Variants in RPS6KC1 observed in about 807,000 individuals in gnomAD.
RPS6KC1 encodes inactive ribosomal protein S6 kinase delta-1.
RPS6KC1 carries 54 observed loss-of-function variants against 103.8 expected under a neutral mutation model. The observed-to-expected ratio is 0.52, with a 90% CI of 0.42 to 0.65. RPS6KC1 has a LOEUF of 0.65. Ranked by LOEUF, RPS6KC1 falls within the 30% of genes least tolerant of loss-of-function variation. The pLI is 0.00. For missense variants in RPS6KC1, 1,151 were observed against 1,253.8 expected (o/e 0.92, Z 1.24); for synonymous variants, 439 against 438.7 (o/e 1.00, Z -0.01).
the RPS6KC1 span, among the ~76,000 whole-genome samples, chr1:213,320,691 A>G: frequency 6.6e-6 from 1 of 152,340 alleles, no homozygotes; most frequent in East Asian, 1.9e-4. Context: ...TCATCAGACC[A>G]GTGAGTGGAG....
chr1:213,747,015 AG>A, the RPS6KC1 span, among the ~76,000 whole-genome samples: 1 of 152,132 alleles, frequency 6.6e-6, no homozygotes, highest in Non-Finnish European at 1.5e-5. Context: ...TTTAAATATA[AG>A]TTTGGGAGCT....
At chr1:213,639,258 T>A in the RPS6KC1 span, among the ~76,000 whole-genome samples, 63 of 152,150 alleles carry the variant, frequency 4.1e-4, no homozygotes, top group Admixed American at 1.9e-3. Flanking sequence ...TGAGATTTTC[T>A]ATGCAGGTGA....
chr1:213,706,816 G>T, the RPS6KC1 span, among the ~76,000 whole-genome samples: 2 of 152,026 alleles, frequency 1.3e-5, no homozygotes, highest in East Asian at 3.9e-4. Context: ...TTCTGTTCTT[G>T]TGTTAGTTTG....
At chr1:213,261,691 T>G in intron 13 of RPS6KC1, 51 bp downstream of exon 13, 1 of 1,487,318 alleles carries the variant, frequency 6.7e-7, no homozygotes, top group Non-Finnish European at 9.4e-7. Context: ...CTACCTTGAT[T>G]TCAAATTAAG....
At chr1:213,052,361 T>A (rs1350935957) in intron 1 of RPS6KC1, among the ~76,000 whole-genome samples, 1 of 152,222 alleles carries the variant, frequency 6.6e-6, no homozygotes, top group African/African-American at 2.4e-5. Flanking sequence ...GTTTAGTAAC[T>A]TGCCCAACTT....
chr1:213,564,234 C>T, the RPS6KC1 span, among the ~76,000 whole-genome samples: 1 of 152,142 alleles, frequency 6.6e-6, no homozygotes, highest in African/African-American at 2.4e-5. Context: ...ATTCTGGGTA[C>T]ACAGGCATAT....
At chr1:213,400,016 G>A in the RPS6KC1 span, among the ~76,000 whole-genome samples, 6 of 152,302 alleles carry the variant, frequency 3.9e-5, no homozygotes, top group East Asian at 3.9e-4. Flanking sequence ...AGGGCTGGGC[G>A]CCGAATCACT....
chr1:213,696,543 CTCT>C, the RPS6KC1 span, among the ~76,000 whole-genome samples: 1 of 147,828 alleles, frequency 6.8e-6, no homozygotes. Flanking sequence ...AAAAGAAACT[CTCT>C]TCTTAGGGAA....
chr1:213,676,304 TAG>T, the RPS6KC1 span, among the ~76,000 whole-genome samples: 6 of 152,326 alleles, frequency 3.9e-5, no homozygotes, highest in African/African-American at 1.2e-4. Flanking sequence ...TCCCAGCTAG[TAG>T]AGCCCTTGGG....
At chr1:213,456,205 G>A in the RPS6KC1 span, among the ~76,000 whole-genome samples, 2 of 152,100 alleles carry the variant, frequency 1.3e-5, no homozygotes, top group Non-Finnish European at 2.9e-5. Context: ...CTTCTTGTTG[G>A]GCTGCTGCCT....
the RPS6KC1 span, among the ~76,000 whole-genome samples, chr1:213,490,587 G>A: frequency 6.6e-6 from 1 of 152,178 alleles, no homozygotes. Flanking sequence ...AAAAGGCCTG[G>A]AGTGCTCTGT....
chr1:213,481,134 G>T, the RPS6KC1 span, among the ~76,000 whole-genome samples: 1 of 152,196 alleles, frequency 6.6e-6, no homozygotes, highest in African/African-American at 2.4e-5. Context: ...CATGTAATAG[G>T]ATGAATGGGA....
chr1:213,725,693 C>T, the RPS6KC1 span, among the ~76,000 whole-genome samples: 1 of 152,210 alleles, frequency 6.6e-6, no homozygotes, highest in Non-Finnish European at 1.5e-5. Flanking sequence ...TAACCCTGCT[C>T]AACCAGAAAA....
At chr1:213,230,728 G>A (rs553360158) in intron 9 of RPS6KC1, among the ~76,000 whole-genome samples, 184 bp downstream of exon 9, 13 of 151,260 alleles carry the variant, frequency 8.6e-5, no homozygotes, top group East Asian at 7.8e-4. Context: ...CCAGCTACCC[G>A]GGAGACTTAG....
chr1:213,272,839 A>G lies in RPS6KC1; in HGVS notation c.*205A>G, dbSNP rs2095076831. On this transcript the variant is annotated 3_prime_UTR_variant, in exon 15 of 15. Coordinates refer to ENST00000366960, the MANE Select transcript of RPS6KC1 (RefSeq NM_012424.6). The stretch of plus-strand genomic sequence containing the variant: ...AGCTAATTGTGCCAGGGGCTGTTAT[A>G]TACATATATACACAACCAAGGTGTG... 1.2e-5 allele frequency: 5 copies of G among 432,334 alleles called. No individual in the cohort carries two copies. The highest frequency in any genetic ancestry group is 3.4e-5 in the Admixed American group (1 of 29,152). 26.8% of individuals were successfully genotyped at this position (432,334 alleles called of 1,614,324 possible).
the RPS6KC1 span, among the ~76,000 whole-genome samples, chr1:213,282,280 G>A: frequency 6.6e-6 from 1 of 152,218 alleles, no homozygotes; most frequent in Non-Finnish European, 1.5e-5. Flanking sequence ...GCGGACTATA[G>A]CTTTGATGCT....
At chr1:213,385,829 T>C in the RPS6KC1 span, among the ~76,000 whole-genome samples, 2 of 152,196 alleles carry the variant, frequency 1.3e-5, no homozygotes, top group Non-Finnish European at 2.9e-5. Context: ...GTGCTGCTAC[T>C]GTTCACAGGT....
intron 14 of RPS6KC1, among the ~76,000 whole-genome samples, chr1:213,267,892 G>A (rs184955245): frequency 1.1e-4 from 16 of 151,598 alleles, no homozygotes; most frequent in Admixed American, 7.2e-4. Flanking sequence ...CAGAAAAATG[G>A]ACACAAAAAT....
At chr1:213,530,069 TAC>T in the RPS6KC1 span, among the ~76,000 whole-genome samples, 2 of 150,438 alleles carry the variant, frequency 1.3e-5, no homozygotes, top group African/African-American at 2.5e-5. Flanking sequence ...ATTATTATTA[TAC>T]GATAAGTTTT....
Sources: gnomAD v4.1 joint callset for allele counts (sites outside exome capture counted in the v4.1 genomes callset) on GRCh38, gnomAD v4.1.1 for gene constraint, MANE v1.5 for transcripts, NCBI Gene and HGNC (gene_info 2026-07-23, HGNC 2026-07-21) for gene names.